RERE: variants seen among roughly 807,000 people sequenced by gnomAD.
RERE encodes arginine-glutamic acid dipeptide repeats, also known as arginine-glutamic acid dipeptide repeats protein.
A neutral mutation model predicts 146.1 loss-of-function variants in RERE; 40 were observed. The ratio of observed to expected loss-of-function variants is 0.27; its 90% confidence interval spans 0.21 to 0.36. RERE has a LOEUF of 0.36. RERE is among the 10% of genes least tolerant of loss of function. The probability of loss-of-function intolerance (pLI) is 1.00; values close to 1 mark genes in which losing one functional copy is unlikely to be tolerated. For synonymous variants in RERE, 1,003 were observed against 866.0 expected (o/e 1.16, Z -2.78); for missense variants, 1,933 against 2,138.7 (o/e 0.90, Z 1.90).
At chr1:8,745,133 G>C (rs1198244317) in intron 1 of RERE, among the ~76,000 whole-genome samples, 1 of 152,138 alleles carries the variant, frequency 6.6e-6, no homozygotes, top group Non-Finnish European at 1.5e-5. Flanking sequence ...TGTCTAGGGA[G>C]AGGCCTGGCA....
At chr1:8,627,121 T>C (rs1646982457) in intron 2 of RERE, among the ~76,000 whole-genome samples, 1 of 152,164 alleles carries the variant, frequency 6.6e-6, no homozygotes, top group Non-Finnish European at 1.5e-5. Context: ...ATCAGTTCCA[T>C]ATGGAGTAAC....
chr1:8,592,217 T>C (rs1325293773), intron 4 of RERE, among the ~76,000 whole-genome samples: 2 of 151,990 alleles, frequency 1.3e-5, no homozygotes, highest in Admixed American at 6.6e-5. Flanking sequence ...TAAATGCATT[T>C]ACATGCAAGA....
intron 10 of RERE, among the ~76,000 whole-genome samples, chr1:8,489,778 C>T (rs1644951780): frequency 6.6e-6 from 1 of 152,196 alleles, no homozygotes; most frequent in African/African-American, 2.4e-5. Context: ...AGGCCGGGCG[C>T]AGTGGCTCAC....
chr1:8,481,030 G>C (rs763898867), intron 10 of RERE, among the ~76,000 whole-genome samples: 4 of 152,168 alleles, frequency 2.6e-5, no homozygotes, highest in Non-Finnish European at 1.5e-5. Flanking sequence ...GAGCACCTAG[G>C]AAACAGGAAG....
At chr1:8,521,521 A>T (rs1407118291) in intron 7 of RERE, among the ~76,000 whole-genome samples, 1 of 152,178 alleles carries the variant, frequency 6.6e-6, no homozygotes, top group Non-Finnish European at 1.5e-5. Context: ...TGTTGTTGAG[A>T]TAATCATATC....
At chr1:8,540,095 A>AT (rs985777369) in intron 7 of RERE, among the ~76,000 whole-genome samples, 1 of 151,540 alleles carries the variant, frequency 6.6e-6, no homozygotes, top group Non-Finnish European at 1.5e-5. Flanking sequence ...TTATTTATTT[A>AT]TTTTTTATTC....
At chr1:8,617,472 G>A (rs1192880432) in intron 3 of RERE, among the ~76,000 whole-genome samples, 1 of 151,822 alleles carries the variant, frequency 6.6e-6, no homozygotes, top group Non-Finnish European at 1.5e-5. Context: ...ACTTGATAAC[G>A]AACTTTAATG....
At chr1:8,705,845 G>A (rs978348724) in intron 1 of RERE, among the ~76,000 whole-genome samples, 7 of 152,092 alleles carry the variant, frequency 4.6e-5, no homozygotes, top group Non-Finnish European at 7.4e-5. Context: ...GGCCGGATGC[G>A]GTGGCTCACG....
At chr1:8,516,158 G>A (rs1400909783) in intron 7 of RERE, among the ~76,000 whole-genome samples, 1 of 147,840 alleles carries the variant, frequency 6.8e-6, no homozygotes, top group Non-Finnish European at 1.5e-5. Flanking sequence ...CCAGGAGATG[G>A]AGGCTGCAGA....
intron 1 of RERE, among the ~76,000 whole-genome samples, chr1:8,773,716 TG>T (rs929761225): frequency 6.6e-6 from 1 of 151,926 alleles, no homozygotes; most frequent in Non-Finnish European, 1.5e-5. Context: ...ACCAGCTACT[TG>T]GGAGGCTGAG....
At chr1:8,539,489 T>A (rs1406528850) in intron 7 of RERE, among the ~76,000 whole-genome samples, 1 of 152,092 alleles carries the variant, frequency 6.6e-6, no homozygotes, top group Non-Finnish European at 1.5e-5. Flanking sequence ...TACTGCAACC[T>A]CCGCCTCCCG....
chr1:8,798,677 C>T (rs1449083326), intron 1 of RERE: 1 of 199,544 alleles, frequency 5.0e-6, no homozygotes, highest in Admixed American at 4.7e-5. Context: ...GAAGAAGAGT[C>T]AAAGATCAAG....
rs1313329752 is a variant in RERE at position 8,503,007 on chromosome 1, T to C, written c.880-5478A>G. Among the ~76,000 whole-genome samples the C allele has an allele frequency of 9.3e-5, 14 of 150,770 alleles. No homozygotes were observed. The East Asian group carries it at 2.7e-3, about 29-fold the overall frequency. The stretch of plus-strand genomic sequence containing the variant: ...CCAGAGACCTTTGTTCACTTGTTTA[T>C]CTGCTGACCTTCCCTCCACTATTGT... On this transcript the variant is annotated intron_variant, in intron 8 of 22. Coordinates refer to ENST00000400908, the MANE Select transcript of RERE (RefSeq NM_001042681.2).
Position 8,423,805 on chromosome 1 carries a change from G to A in RERE, c.1204-998C>T, listed in dbSNP as rs1643958286. ...GGCAGGAGCGCGGCGCGCAGAGCCC[G>A]GCGCGGCCGCGGGCGGCTGCAAAAG... On this transcript the variant is annotated intron_variant, in intron 11 of 22. Coordinates refer to ENST00000400908, the MANE Select transcript of RERE (RefSeq NM_001042681.2). The surrounding 1 kb of genome is among the most constrained non-coding windows in gnomAD (Gnocchi z 5.4). 6 of 614,812 alleles carry A rather than the reference G, an allele frequency of 9.8e-6. No individual in the cohort carries two copies. Among genetic ancestry groups the A allele is most frequent in the Non-Finnish European group, 1.2e-5 (6 of 494,398 alleles). The allele number at this position is 614,812 out of a possible 1,614,324, so 38.1% of individuals were successfully genotyped here.
intron 11 of RERE, among the ~76,000 whole-genome samples, chr1:8,444,076 G>C (rs1172342131): frequency 6.6e-6 from 1 of 152,194 alleles, no homozygotes; most frequent in African/African-American, 2.4e-5. Flanking sequence ...ACCCAAGAAT[G>C]GTAGATCCAT....
intron 4 of RERE, among the ~76,000 whole-genome samples, chr1:8,559,887 C>A (rs1646057831): frequency 1.3e-5 from 2 of 152,064 alleles, no homozygotes; most frequent in Admixed American, 1.3e-4. Flanking sequence ...AGGGACAAAT[C>A]GCCAGGACAT....
rs943568821 is a variant in RERE at position 8,361,836 on chromosome 1, T to C, written c.1943A>G (p.Lys648Arg). 5.6e-6 allele frequency: 9 copies of C among 1,613,930 alleles called. No homozygotes were observed. Among genetic ancestry groups the C allele is most frequent in the East Asian group, 2.2e-5 (1 of 44,882 alleles). ...EEASSPLKSN[K>R]RQREKVASDT... ...AGAGGCCACCTTCTCCCGCTGGCGT[T>C]TGTTACTCTTAAGAGGGGAAGAGGC... Residue 648 changes from lysine (K) to arginine (R), a missense_variant, in exon 17 of 23, where the codon AAA becomes AGA. Physicochemically the swap from Lys to Arg is conservative, Grantham distance 26 (BLOSUM62 2). Transcript: ENST00000400908.
At chr1:8,523,861 G>T (rs145854696) in intron 7 of RERE, among the ~76,000 whole-genome samples, 2 of 152,174 alleles carry the variant, frequency 1.3e-5, no homozygotes, top group African/African-American at 4.8e-5. Flanking sequence ...GAGCTGATTC[G>T]GCTGTGAGCA....
intron 20 of RERE, among the ~76,000 whole-genome samples, chr1:8,357,461 C>T (rs599216): frequency 6.6e-6 from 1 of 152,230 alleles, no homozygotes; most frequent in Non-Finnish European, 1.5e-5. Context: ...TCATCCTGCC[C>T]CACACTGGAG....
Sources: gnomAD v4.1 joint callset for allele counts (sites outside exome capture counted in the v4.1 genomes callset) on GRCh38, gnomAD v4.1.1 for gene constraint, Gnocchi (gnomAD v3.1) non-coding constraint, MANE v1.5 for transcripts, NCBI Gene and HGNC (gene_info 2026-07-23, HGNC 2026-07-21) for gene names.